The following TBC1D1 variants were observed in gnomAD, a reference collection of about 807,000 sequenced individuals.
TBC1D1 encodes the protein TBC1 domain family member 1, also known as TBC1 (tre-2/USP6, BUB2, cdc16) domain family, member 1.
Under a neutral mutation model 125.6 loss-of-function variants are expected in TBC1D1, and 89 were observed. The observed-to-expected ratio is 0.71, with a 90% CI of 0.60 to 0.85. TBC1D1 has a LOEUF of 0.85. Among genes scored for constraint, TBC1D1 ranks in the 40% least tolerant of loss-of-function variants. The pLI is 0.00. For synonymous variants in TBC1D1, 565 were observed against 564.1 expected, an observed-to-expected ratio of 1.00 and a Z score of -0.02; for missense variants, 1,377 against 1,469.2, an observed-to-expected ratio of 0.94 and a Z score of 1.03.
chr4:38,096,205 T>C (rs1759310626), intron 14 of TBC1D1, 115 bp downstream of exon 16: 3 of 799,278 alleles, frequency 3.8e-6, no homozygotes, highest in Non-Finnish European at 6.1e-6. Flanking sequence ...CTTCTTTTCA[T>C]CACATCTTAA....
At chr4:38,059,610 C>T (rs201577490) in intron 12 of TBC1D1, among the ~76,000 whole-genome samples, 5 of 152,166 alleles carry the variant, frequency 3.3e-5, no homozygotes, top group East Asian at 1.9e-4. Context: ...CCTTGTGTGA[C>T]GCTGAGTATG....
intron 2 of TBC1D1, among the ~76,000 whole-genome samples, chr4:37,924,927 G>A (rs1480786238): frequency 6.6e-6 from 1 of 152,200 alleles, no homozygotes; most frequent in Non-Finnish European, 1.5e-5. Flanking sequence ...CATGTGCTAT[G>A]TATTTTATGC....
rs767227048 is a variant in TBC1D1, at chr4:38,124,988, G to A, written c.2989G>A (p.Val997Ile). The stretch of plus-strand genomic sequence containing the variant: ...TATGATTTTTCTTCAGGGAACAGAG[G>A]TCATATTTAAAGTGGCTTTAAGTCT... Residue 997 changes from valine to isoleucine, a missense_variant, in exon 18 of 20, where the codon GTC (valine) becomes ATC (isoleucine). Around this residue, in one of 3 missense-constraint regions of TBC1D1, gnomAD observed 543 missense variants for 613.5 expected, o/e 0.89. Transcript: ENST00000261439. 4.3e-6 allele frequency: 7 copies of A among 1,614,040 alleles called. No homozygotes were observed. In the East Asian group the frequency reaches 1.1e-4, roughly 26 times the overall value.
intron 15 of TBC1D1, among the ~76,000 whole-genome samples, chr4:38,109,721 C>G (rs986856536): frequency 2.0e-5 from 3 of 152,192 alleles, no homozygotes; most frequent in African/African-American, 7.2e-5. Flanking sequence ...CCCTGCCATT[C>G]AGGATGATTC....
Position 38,115,237 on chromosome 4 carries a change from A to G in TBC1D1, c.2558-473A>G, listed in dbSNP as rs574049309. Among the ~76,000 whole-genome samples the G allele has an allele frequency of 3.3e-5, 5 of 151,590 alleles. No individual in the cohort carries two copies. In the East Asian group the frequency reaches 9.7e-4, roughly 29 times the overall value. ...TGCCTCAGCCTCCCGAGTAGCTGGG[A>G]TTACAGGCACCTGCCACCACGCCTG... On this transcript the variant is annotated intron_variant, in intron 15 of 19. Transcript: ENST00000261439.
chr4:38,015,062 A>T (rs762567709), intron 3 of TBC1D1, 89 bp downstream of exon 3: 2 of 1,061,846 alleles, frequency 1.9e-6, no homozygotes, highest in African/African-American at 3.2e-5. Context: ...TTCTTAGTCA[A>T]TTGCTTTTGA....
intron 18 of TBC1D1, 96 bp from the exon 21 acceptor site, chr4:38,132,988 C>T (rs1184163739): frequency 2.8e-6 from 3 of 1,067,852 alleles, no homozygotes; most frequent in Non-Finnish European, 2.7e-6. Context: ...AGAGGAGACG[C>T]TTCACAGGTG....
chr4:38,122,010 C>T (rs567915101), intron 17 of TBC1D1, among the ~76,000 whole-genome samples: 103 of 152,254 alleles, frequency 6.8e-4, no homozygotes, highest in African/African-American at 2.5e-3. Flanking sequence ...CATTGTGCAC[C>T]CAAATGATCT....
intron 2 of TBC1D1, among the ~76,000 whole-genome samples, chr4:37,910,042 A>T (rs980931341): frequency 3.3e-5 from 5 of 152,132 alleles, no homozygotes; most frequent in East Asian, 1.9e-4. Flanking sequence ...TTTATTTTTG[A>T]CTTTGAAAAA....
At chr4:37,944,136 G>A (rs754721875) in intron 2 of TBC1D1, among the ~76,000 whole-genome samples, 1 of 152,222 alleles carries the variant, frequency 6.6e-6, no homozygotes, top group African/African-American at 2.4e-5. Flanking sequence ...AGCAGCAGAG[G>A]CTGCAGAACA....
intron 2 of TBC1D1, among the ~76,000 whole-genome samples, chr4:37,929,798 G>A (rs903080444): frequency 1.3e-5 from 2 of 152,172 alleles, no homozygotes; most frequent in Non-Finnish European, 2.9e-5. Flanking sequence ...TGAGTCTGTG[G>A]CAGCCAACTA....
intron 2 of TBC1D1, among the ~76,000 whole-genome samples, chr4:37,937,299 C>T (rs1029349351): frequency 6.6e-5 from 10 of 152,204 alleles, no homozygotes; most frequent in African/African-American, 2.4e-4. Context: ...ATCCCATCAG[C>T]AGAGGGGGCC....
intron 3 of TBC1D1, among the ~76,000 whole-genome samples, chr4:38,016,187 C>T (rs138222341): frequency 1.4e-4 from 22 of 152,236 alleles, no homozygotes; most frequent in Non-Finnish European, 2.6e-4. Context: ...TGGTAAATGC[C>T]GTGGAGGAGA....
intron 8 of TBC1D1, among the ~76,000 whole-genome samples, chr4:38,038,355 C>G (rs1028613201): frequency 6.6e-6 from 1 of 152,054 alleles, no homozygotes; most frequent in Non-Finnish European, 1.5e-5. Context: ...ATACCATGAG[C>G]ACTCATATAC....
intron 12 of TBC1D1, among the ~76,000 whole-genome samples, chr4:38,055,245 T>G (rs1396758291): frequency 2.0e-5 from 3 of 152,140 alleles, no homozygotes; most frequent in South Asian, 2.1e-4. Context: ...GAAAGGGCCC[T>G]CTCCTGCCGT....
chr4:37,971,571 A>G (rs1052646512), intron 2 of TBC1D1, among the ~76,000 whole-genome samples: 13 of 152,186 alleles, frequency 8.5e-5, no homozygotes, highest in Admixed American at 8.5e-4. Flanking sequence ...GGGAGCTACA[A>G]TTCAAGATGA....
At chr4:37,894,818 T>C (rs1015837676) in intron 1 of TBC1D1, among the ~76,000 whole-genome samples, 1 of 152,200 alleles carries the variant, frequency 6.6e-6, no homozygotes, top group Non-Finnish European at 1.5e-5. Flanking sequence ...AGAAAGATAT[T>C]TGAGGGTTAT....
At chr4:37,967,794 A>G (rs1256231518) in intron 2 of TBC1D1, among the ~76,000 whole-genome samples, 1 of 152,212 alleles carries the variant, frequency 6.6e-6, no homozygotes, top group African/African-American at 2.4e-5. Context: ...ACTATGAATT[A>G]TAGCAAAATG....
intron 12 of TBC1D1, chr4:38,055,015 A>C (rs996828683): frequency 6.6e-6 from 1 of 152,068 alleles, no homozygotes; most frequent in Admixed American, 6.6e-5. Context: ...GCACCAGGTA[A>C]ATTCCGCCAT....
Sources: gnomAD v4.1 joint callset for allele counts (sites outside exome capture counted in the v4.1 genomes callset) on GRCh38, gnomAD v4.1.1 for gene constraint, gnomAD v4.1.1 regional missense constraint, MANE v1.5 for transcripts, NCBI Gene and HGNC (gene_info 2026-07-23, HGNC 2026-07-21) for gene names.